Variants in NEDD4 observed in about 807,000 individuals in gnomAD.
NEDD4 encodes the protein NEDD4 E3 ubiquitin protein ligase.
A neutral mutation model predicts 144.9 loss-of-function variants in NEDD4; 99 were observed. That is an observed-to-expected ratio of 0.68 (90% CI 0.58 to 0.81). NEDD4 has a LOEUF of 0.81. NEDD4 is among the 30% of genes least tolerant of loss of function. The probability of loss-of-function intolerance (pLI) is 0.00; values close to 1 mark genes in which losing one functional copy is unlikely to be tolerated. For missense variants in NEDD4, 985 were observed against 1,065.9 expected, an observed-to-expected ratio of 0.92 and a Z score of 1.06; for synonymous variants, 318 against 350.6, an observed-to-expected ratio of 0.91 and a Z score of 1.04.
intron 24 of NEDD4, among the ~76,000 whole-genome samples, chr15:55,835,439 T>TTTC (rs1555392050): frequency 1.8e-4 from 25 of 142,844 alleles, no homozygotes; most frequent in South Asian, 4.6e-4. Context: ...TTTTTTTTTT[T>TTTC]CCCATGCCCT....
chr15:55,907,598 G>A (rs1487911737), intron 5 of NEDD4, among the ~76,000 whole-genome samples: 1 of 152,074 alleles, frequency 6.6e-6, no homozygotes, highest in African/African-American at 2.4e-5. Flanking sequence ...CTTTGAAGAC[G>A]ACTTGAGTTT....
At chr15:55,836,824 A>G (rs773588338) in intron 24 of NEDD4, among the ~76,000 whole-genome samples, 6 of 151,472 alleles carry the variant, frequency 4.0e-5, no homozygotes, top group Non-Finnish European at 7.4e-5. Flanking sequence ...CACCGCGCCC[A>G]AATTTTTAAT....
chr15:55,883,989 C>A (rs777551588), intron 5 of NEDD4, among the ~76,000 whole-genome samples: 9 of 151,704 alleles, frequency 5.9e-5, no homozygotes, highest in African/African-American at 1.2e-4. Context: ...AAGCAATTCT[C>A]CTGCCTCAGC....
At position 55,951,614 on chromosome 15, in the gene NEDD4, AAG is replaced by A. The variant is rs1427796304; in HGVS notation, c.120-27_120-26del. The A allele has an allele frequency of 9.9e-5, 141 of 1,426,414 alleles. 1 individual carries two copies. Among genetic ancestry groups the A allele is most frequent in the Non-Finnish European group, 1.3e-4 (138 of 1,079,446 alleles). The allele number at this position is 1,426,414 out of a possible 1,614,324, so 88.4% of individuals were successfully genotyped here. A position where few individuals can be genotyped will look rare whatever the true frequency, so the allele number is the denominator to read the frequency against. On this transcript the variant is annotated intron_variant, in intron 2 of 28. Transcript: ENST00000435532. ...ACTGTTAAAAAAAAAAAAAAAAAGA[AAG>A]AAAAATTTTAATTATTGCTTACCCC...
chr15:55,975,367 C>A lies in NEDD4; in HGVS notation c.46-8821G>T, dbSNP rs146806394. Among the ~76,000 whole-genome samples the A allele has an allele frequency of 4.4e-3, 673 of 152,220 alleles. 7 individuals carry two copies. Among genetic ancestry groups the A allele is most frequent in the African/African-American group, 0.016 (644 of 41,536 alleles). On this transcript the variant is annotated intron_variant, in intron 1 of 28. Coordinates refer to ENST00000435532, the MANE Select transcript of NEDD4 (RefSeq NM_006154.4). ...AGACTCCACCCAAAAGCTATTAGAACTGATAAGCACATTCAGTAAAGTTGC... is the reference window on the plus strand; with the variant it reads ...AGACTCCACCCAAAAGCTATTAGAAATGATAAGCACATTCAGTAAAGTTGC...
At chr15:55,878,765 A>G (rs866492793) in intron 5 of NEDD4, among the ~76,000 whole-genome samples, 8 of 152,280 alleles carry the variant, frequency 5.3e-5, no homozygotes, top group African/African-American at 1.9e-4. Context: ...ATGAAATGAA[A>G]TGAACGGATA....
intron 5 of NEDD4, among the ~76,000 whole-genome samples, chr15:55,911,142 T>G (rs1293280477): frequency 1.3e-5 from 2 of 152,110 alleles, no homozygotes; most frequent in African/African-American, 4.8e-5. Flanking sequence ...GCAGTGACTC[T>G]CAACAGGGGA....
intron 21 of NEDD4, 81 bp downstream of exon 21, chr15:55,840,365 GT>G: frequency 8.3e-7 from 1 of 1,200,284 alleles, no homozygotes; most frequent in Non-Finnish European, 1.2e-6. Flanking sequence ...TAATTTCCAT[GT>G]CATTAAAAGC....
chr15:55,901,387 A>C (rs1244040063), intron 5 of NEDD4, among the ~76,000 whole-genome samples: 1 of 150,692 alleles, frequency 6.6e-6, no homozygotes, highest in Non-Finnish European at 1.5e-5. Context: ...TGTGGCCCAC[A>C]TATAGGACTT....
intron 1 of NEDD4, 124 bp downstream of exon 1, chr15:55,993,387 T>C (rs2140462826): frequency 7.2e-6 from 9 of 1,257,716 alleles, no homozygotes; most frequent in Non-Finnish European, 9.8e-6. Context: ...CTCCCCAGGC[T>C]CGCGCCGAGG....
chr15:55,963,546 T>A (rs1661112717), intron 2 of NEDD4, among the ~76,000 whole-genome samples: 1 of 152,338 alleles, frequency 6.6e-6, no homozygotes, highest in African/African-American at 2.4e-5. Context: ...GTCTATAACT[T>A]ATACCTGCTC....
At position 55,968,197 on chromosome 15, in the gene NEDD4, G is replaced by A. The variant is rs540370365; in HGVS notation, c.46-1651C>T. Among the ~76,000 whole-genome samples the A allele has an allele frequency of 2.8e-4, 42 of 151,988 alleles. 1 individual carries two copies. Among genetic ancestry groups the A allele is most frequent in the African/African-American group, 6.0e-4 (25 of 41,452 alleles). ...ATAATTCCAAAATTCATAGAGAGGA[G>A]TAAAAATGAGTAAAGAAGTAAACAA... is the stretch of plus-strand genomic sequence containing the variant. On this transcript the variant is annotated intron_variant, in intron 1 of 28. Coordinates refer to ENST00000435532, the MANE Select transcript of NEDD4 (RefSeq NM_006154.4).
intron 5 of NEDD4, among the ~76,000 whole-genome samples, chr15:55,903,484 G>A (rs1220411538): frequency 1.3e-5 from 2 of 152,120 alleles, no homozygotes; most frequent in Non-Finnish European, 2.9e-5. Context: ...GGCACATGAA[G>A]TATGCTGTTT....
intron 5 of NEDD4, among the ~76,000 whole-genome samples, 156 bp from the exon 6 acceptor site, chr15:55,874,164 C>G (rs1430739358): frequency 6.6e-6 from 1 of 151,918 alleles, no homozygotes; most frequent in Non-Finnish European, 1.5e-5. Context: ...TGTGGTACAA[C>G]TTCTGGTAAT....
chr15:55,924,589 C>A (rs1172740199), intron 5 of NEDD4, 57 bp downstream of exon 5: 2 of 1,473,258 alleles, frequency 1.4e-6, no homozygotes, highest in African/African-American at 1.4e-5. Context: ...CTTCCCCTGG[C>A]TGCTCCACTG....
rs114226470 is a variant in NEDD4 at position 55,896,906 on chromosome 15, C to T, written c.292-22898G>A. Among the ~76,000 whole-genome samples, 987 of 151,680 alleles carry T rather than the reference C, an allele frequency of 6.5e-3. 13 individuals carry two copies. The highest frequency in any genetic ancestry group is 0.022 in the African/African-American group (899 of 41,332). On this transcript the variant is annotated intron_variant, in intron 5 of 28. Transcript: ENST00000435532. ...TAAAGATAAATTCTAAATTATTAAACATGATAATTTATAAATATATTTGTA... is the reference window on the plus strand; with the variant it reads ...TAAAGATAAATTCTAAATTATTAAATATGATAATTTATAAATATATTTGTA...
chr15:55,869,625 GT>G lies in NEDD4; in HGVS notation c.460del (p.Thr154ProfsTer15). The G allele has an allele frequency of 6.3e-7, 1 of 1,585,458 alleles. No homozygotes were observed. Among genetic ancestry groups the G allele is most frequent in the Non-Finnish European group, 8.6e-7 (1 of 1,164,016 alleles). On this transcript the variant is annotated frameshift_variant, in exon 8 of 29. Transcript: ENST00000435532. LOFTEE classifies it high-confidence loss of function. ...TGCATTATCATCTTCTGAGCCACTG[GT>G]TTTAGGTAAATAAGTCATTTTTAGT... Reference protein sequence around the residue: ...LRLKMTYLPKTSGSEDDNAEQ... With the variant: ...LRLKMTYLPKXSGSEDDNAEQ...
intron 4 of NEDD4, among the ~76,000 whole-genome samples, chr15:55,941,515 C>T (rs1340930388): frequency 1.3e-5 from 2 of 151,512 alleles, no homozygotes; most frequent in Non-Finnish European, 2.9e-5. Context: ...ACGTGTGTTA[C>T]TGAATTGTAA....
At chr15:55,949,593 C>T (rs1332775394) in intron 4 of NEDD4, among the ~76,000 whole-genome samples, 3 of 152,180 alleles carry the variant, frequency 2.0e-5, no homozygotes, top group Non-Finnish European at 4.4e-5. Flanking sequence ...AAATGTGGCA[C>T]ATATACACCA....
Sources: gnomAD v4.1 joint callset for allele counts (sites outside exome capture counted in the v4.1 genomes callset) on GRCh38, gnomAD v4.1.1 for gene constraint, MANE v1.5 for transcripts, NCBI Gene and HGNC (gene_info 2026-07-23, HGNC 2026-07-21) for gene names.